The following C6 variants were observed in gnomAD, a reference collection of about 807,000 sequenced individuals.
C6 encodes the protein complement component C6.
Under a neutral mutation model 112.9 loss-of-function variants are expected in C6, and 101 were observed. The ratio of observed to expected loss-of-function variants is 0.89; its 90% CI spans 0.76 to 1.06. C6 has a LOEUF of 1.06. C6 is among the 50% of genes least tolerant of loss of function. The pLI is 0.00. For synonymous variants in C6, 431 were observed against 384.1 expected, an observed-to-expected ratio of 1.12 and a Z score of -1.43; for missense variants, 1,202 against 1,104.6, an observed-to-expected ratio of 1.09 and a Z score of -1.25.
Position 41,236,277 on chromosome 5 carries a change from G to C in C6, c.-21+24917C>G, listed in dbSNP as rs1193091224. Among the ~76,000 whole-genome samples, 72 of 119,762 alleles carry C rather than the reference G, an allele frequency of 6.0e-4. 1 individual carries two copies. Among genetic ancestry groups the C allele is most frequent in the African/African-American group, 2.3e-3 (69 of 30,506 alleles). The allele number at this position is 119,762 out of a possible 152,430, so 78.6% of individuals were successfully genotyped here. A position where few individuals can be genotyped will look rare whatever the true frequency, so the allele number is the denominator to read the frequency against. On this transcript the variant is annotated intron_variant, in intron 1 of 17. Transcript: ENST00000263413. Reference sequence around the variant, plus strand: ...GTATAAGGTGTAAGGAAGGGATCCAGTTTCAGCTTTCTACATATGGCTAGC... The same window carrying C: ...GTATAAGGTGTAAGGAAGGGATCCACTTTCAGCTTTCTACATATGGCTAGC...
chr5:41,227,388 C>T (rs1350342434), intron 1 of C6, among the ~76,000 whole-genome samples: 1 of 151,962 alleles, frequency 6.6e-6, no homozygotes, highest in Non-Finnish European at 1.5e-5. Flanking sequence ...AAAATACTTT[C>T]TCCTATTCCG....
rs114235819 is a variant in C6 at position 41,218,775 on chromosome 5, G to A, written c.-20-15525C>T. Reference sequence around the variant, plus strand: ...ACACAGTGTGAAGCTTGCTTAAGCCGCATGCAGGGAGAAGAAGAGAATGCC... The same window carrying A: ...ACACAGTGTGAAGCTTGCTTAAGCCACATGCAGGGAGAAGAAGAGAATGCC... On this transcript the variant is annotated intron_variant, in intron 1 of 17. Transcript: ENST00000263413. Among the ~76,000 whole-genome samples the A allele has an allele frequency of 9.6e-3, 1,460 of 152,220 alleles. 29 individuals carry two copies. The highest frequency in any genetic ancestry group is 0.032 in the African/African-American group (1,341 of 41,542).
intron 1 of C6, among the ~76,000 whole-genome samples, chr5:41,250,015 TAGATTTGGACTTTTTC>T (rs1359364698): frequency 6.6e-6 from 1 of 152,244 alleles, no homozygotes; most frequent in African/African-American, 2.4e-5. Flanking sequence ...TGGGTGGGTT[TAGATTTGGACTTTTTC>T]AGCTGCATGC....
chr5:41,242,843 A>C (rs562903823), intron 1 of C6, among the ~76,000 whole-genome samples: 2 of 152,296 alleles, frequency 1.3e-5, no homozygotes, highest in Non-Finnish European at 2.9e-5. Flanking sequence ...ATCATTTACA[A>C]CATAAATGGA....
intron 1 of C6, among the ~76,000 whole-genome samples, chr5:41,211,847 A>G (rs185017146): frequency 3.0e-4 from 45 of 152,284 alleles, no homozygotes; most frequent in African/African-American, 1.1e-3. Context: ...TAATTTGGAG[A>G]AGTTAAATTG....
chr5:41,224,373 C>A (rs951375734), intron 1 of C6, among the ~76,000 whole-genome samples: 1 of 152,152 alleles, frequency 6.6e-6, no homozygotes, highest in Admixed American at 6.5e-5. Context: ...TCAAAAGAAA[C>A]CCTGAACCCA....
chr5:41,260,616 A>C (rs1741997987), intron 1 of C6, among the ~76,000 whole-genome samples: 1 of 150,904 alleles, frequency 6.6e-6, no homozygotes, highest in African/African-American at 2.4e-5. Context: ...CTAAAAATAC[A>C]AAAAAAAATT....
chr5:41,164,530 T>C (rs1363720757), intron 9 of C6, among the ~76,000 whole-genome samples: 1 of 152,166 alleles, frequency 6.6e-6, no homozygotes, highest in East Asian at 1.9e-4. Flanking sequence ...CCAAGGAAAT[T>C]AGACTTCATT....
rs1294520689 is a variant in C6, at chr5:41,149,555, T to C, written c.2382-73A>G. 8.8e-6 allele frequency: 14 copies of C among 1,589,152 alleles called. No individual in the cohort carries two copies. In the South Asian group the frequency reaches 1.3e-4, roughly 15 times the overall value. On this transcript the variant is annotated intron_variant, in intron 16 of 17. Coordinates refer to ENST00000337836, the MANE Select transcript of C6 (RefSeq NM_000065.5). ...AACAGGGGGCACGTAGCCAATGTAGTGTGTTCACTCACCAACCAGTTTTCT... is the reference window on the plus strand; with the variant it reads ...AACAGGGGGCACGTAGCCAATGTAGCGTGTTCACTCACCAACCAGTTTTCT...
chr5:41,180,803 A>G (rs1749266899), intron 7 of C6, among the ~76,000 whole-genome samples: 1 of 151,364 alleles, frequency 6.6e-6, no homozygotes, highest in Non-Finnish European at 1.5e-5. Context: ...TTTAGAGAAT[A>G]TACCTTGCAT....
At chr5:41,209,705 T>C (rs945558111) in intron 1 of C6, among the ~76,000 whole-genome samples, 37 of 151,966 alleles carry the variant, frequency 2.4e-4, no homozygotes, top group African/African-American at 8.7e-4. Context: ...CACTGCTCAA[T>C]GAAATAAAAG....
chr5:41,165,058 A>G (rs1033719954), intron 9 of C6, among the ~76,000 whole-genome samples: 5 of 152,164 alleles, frequency 3.3e-5, no homozygotes, highest in Non-Finnish European at 4.4e-5. Context: ...AGCTTTGCAT[A>G]TTTTTAACTT....
chr5:41,222,165 C>CA (rs111738334), intron 1 of C6, among the ~76,000 whole-genome samples: 1,801 of 109,964 alleles, frequency 0.016, 18 homozygotes, highest in Middle Eastern at 0.056. Flanking sequence ...GACTCCATCT[C>CA]AAAAAAAAAA....
intron 1 of C6, among the ~76,000 whole-genome samples, chr5:41,253,912 G>A (rs1741518149): frequency 6.6e-6 from 1 of 152,102 alleles, no homozygotes; most frequent in Non-Finnish European, 1.5e-5. Context: ...ATGCCCAAAA[G>A]GCAATGTGTA....
At chr5:41,224,619 G>A (rs1739376786) in intron 1 of C6, among the ~76,000 whole-genome samples, 1 of 151,642 alleles carries the variant, frequency 6.6e-6, no homozygotes. Flanking sequence ...CTGTTGCATG[G>A]GTATACTACA....
At chr5:41,232,813 C>CT (rs1246083829) in intron 1 of C6, among the ~76,000 whole-genome samples, 4 of 151,544 alleles carry the variant, frequency 2.6e-5, no homozygotes, top group Admixed American at 6.6e-5. Context: ...ATTTTTTGTT[C>CT]TTTTTTCTCA....
At position 41,218,681 on chromosome 5, in the gene C6, G is replaced by A. The variant is rs191002330; in HGVS notation, c.-20-15431C>T. Among the ~76,000 whole-genome samples the A allele has an allele frequency of 2.0e-5, 3 of 152,252 alleles. No homozygotes were observed. In the East Asian group the frequency reaches 5.8e-4, roughly 29 times the overall value. ...GCCCCTTGGACAAAGTGATAGGCCA[G>A]GATTGGGTATGGGTCATTCGGATTT... On this transcript the variant is annotated intron_variant, in intron 1 of 17. Coordinates refer to the C6 transcript ENST00000263413.
intron 1 of C6, among the ~76,000 whole-genome samples, chr5:41,242,074 A>G (rs1326047953): frequency 6.6e-6 from 1 of 152,166 alleles, no homozygotes; most frequent in Non-Finnish European, 1.5e-5. Flanking sequence ...ATTAATTGGC[A>G]TAGGAGCAGA....
chr5:41,203,338 T>G, intron 1 of C6, 88 bp from the exon 2 acceptor site: 2 of 1,399,346 alleles, frequency 1.4e-6, no homozygotes, highest in South Asian at 2.3e-5. Flanking sequence ...TCAAATGTGA[T>G]TTTAGAAAAT....
Sources: allele counts gnomAD v4.1 joint callset (sites outside exome capture counted in the v4.1 genomes callset), GRCh38; gene constraint gnomAD v4.1.1; transcripts MANE v1.5; gene names NCBI Gene and HGNC (gene_info 2026-07-23, HGNC 2026-07-21).